PDGFRL: variants seen among roughly 807,000 people sequenced by gnomAD.
PDGFRL encodes the protein platelet-derived growth factor receptor-like protein.
Under a neutral mutation model 37.2 loss-of-function variants are expected in PDGFRL, and 46 were observed. The observed-to-expected ratio is 1.24, with a 90% CI of 0.98 to 1.58. The LOEUF (loss-of-function observed/expected upper bound fraction) is 1.58. Among genes scored for constraint, PDGFRL ranks in the 40% most tolerant of loss-of-function variants. PDGFRL has a pLI of 0.00. For synonymous variants in PDGFRL, 251 were observed against 184.3 expected (o/e 1.36, Z -2.93); for missense variants, 692 against 467.6 (o/e 1.48, Z -4.43).
intron 1 of PDGFRL, among the ~76,000 whole-genome samples, chr8:17,586,588 T>A (rs898802308): frequency 2.0e-5 from 3 of 152,162 alleles, no homozygotes; most frequent in Non-Finnish European, 4.4e-5. Flanking sequence ...TTAAAGAGAC[T>A]AATATCTGCT....
intron 2 of PDGFRL, among the ~76,000 whole-genome samples, chr8:17,608,653 A>G (rs534840695): frequency 2.3e-4 from 35 of 152,226 alleles, no homozygotes; most frequent in Non-Finnish European, 3.5e-4. Context: ...AAGGCAGTCT[A>G]CTAAGTCAGA....
chr8:17,602,949 A>G (rs112331096), intron 2 of PDGFRL, among the ~76,000 whole-genome samples: 138 of 152,376 alleles, frequency 9.1e-4, no homozygotes, highest in African/African-American at 3.2e-3. Context: ...TTTAAACAGT[A>G]TAGAATTCAT....
intron 1 of PDGFRL, among the ~76,000 whole-genome samples, chr8:17,585,913 GTTTA>G (rs1218215475): frequency 1.3e-5 from 2 of 152,044 alleles, no homozygotes; most frequent in Non-Finnish European, 2.9e-5. Context: ...TGTAACATTT[GTTTA>G]TTTATTTTGG....
intron 2 of PDGFRL, among the ~76,000 whole-genome samples, chr8:17,615,062 A>C (rs1804495625): frequency 6.6e-6 from 1 of 152,200 alleles, no homozygotes; most frequent in Admixed American, 6.5e-5. Flanking sequence ...AACACTGCTT[A>C]AGTTTCAGTT....
rs1427943847 is a variant in PDGFRL, at chr8:17,628,629, C to G, written c.648C>G (p.Ile216Met). 6.2e-7 allele frequency: 1 copy of G among 1,614,070 alleles called. No homozygotes were observed. The highest frequency in any genetic ancestry group is 8.5e-7 in the Non-Finnish European group (1 of 1,180,048). ...TLHREFPAKE[I>M]PANGTDIVYD... ...ACAGGGAATTCCCAGCCAAGGAGAT[C>G]CCAGCCAATGGAACGGACATTGTTT... is the stretch of plus-strand genomic sequence containing the variant. Residue 216 changes from isoleucine (I) to methionine (M), a missense_variant, in exon 4 of 6, where the codon ATC (isoleucine) becomes ATG (methionine). By Grantham distance (10) the Ile-to-Met change is conservative. Transcript: ENST00000251630.
At chr8:17,584,894 T>A (rs1803783334) in intron 1 of PDGFRL, among the ~76,000 whole-genome samples, 1 of 152,162 alleles carries the variant, frequency 6.6e-6, no homozygotes, top group Non-Finnish European at 1.5e-5. Context: ...GAATGGCTTC[T>A]TCATAGGCAG....
intron 3 of PDGFRL, among the ~76,000 whole-genome samples, chr8:17,622,444 G>A (rs1288193363): frequency 6.6e-6 from 1 of 151,562 alleles, no homozygotes; most frequent in Non-Finnish European, 1.5e-5. Flanking sequence ...ATAGGCCTAT[G>A]ACCCAAAGGA....
chr8:17,638,738 C>CATATATATATATATAT (rs56085770), intron 5 of PDGFRL, among the ~76,000 whole-genome samples: 2 of 47,364 alleles, frequency 4.2e-5, no homozygotes, highest in African/African-American at 5.6e-5. Context: ...GCATTAGGTG[C>CATATATATATATATAT]ATATATATAT....
intron 2 of PDGFRL, among the ~76,000 whole-genome samples, chr8:17,601,607 T>A (rs1455378174): frequency 1.3e-5 from 2 of 152,188 alleles, no homozygotes; most frequent in African/African-American, 4.8e-5. Flanking sequence ...TTCTCAGTCC[T>A]CACCCTCTTC....
chr8:17,594,141 GTAT>G (rs1347683926), intron 2 of PDGFRL, among the ~76,000 whole-genome samples: 13 of 151,380 alleles, frequency 8.6e-5, no homozygotes, highest in Non-Finnish European at 1.6e-4. Flanking sequence ...TGTTACTGAC[GTAT>G]TTCCCACAGC....
intron 2 of PDGFRL, among the ~76,000 whole-genome samples, chr8:17,603,245 G>T (rs1035958890): frequency 2.6e-4 from 40 of 152,100 alleles, no homozygotes; most frequent in African/African-American, 8.7e-4. Context: ...CCTGGGCCTC[G>T]CTAAGTGCTG....
chr8:17,597,105 C>T (rs771283880), intron 2 of PDGFRL, among the ~76,000 whole-genome samples: 2 of 152,188 alleles, frequency 1.3e-5, no homozygotes, highest in African/African-American at 4.8e-5. Flanking sequence ...ACTGCAACCT[C>T]TACCTCTCAT....
chr8:17,580,322 TG>T (rs1803679954), intron 1 of PDGFRL, among the ~76,000 whole-genome samples: 1 of 151,836 alleles, frequency 6.6e-6, no homozygotes, highest in African/African-American at 2.4e-5. Flanking sequence ...CGTTTATTTT[TG>T]AGAAAAAAAA....
intron 4 of PDGFRL, among the ~76,000 whole-genome samples, chr8:17,632,001 G>A (rs1563529286): frequency 6.6e-6 from 1 of 152,182 alleles, no homozygotes; most frequent in East Asian, 1.9e-4. Flanking sequence ...CACCTCAGGT[G>A]TGCAATGAGA....
intron 5 of PDGFRL, among the ~76,000 whole-genome samples, chr8:17,634,623 G>GA (rs1396885567): frequency 2.6e-5 from 4 of 152,030 alleles, no homozygotes; most frequent in Non-Finnish European, 5.9e-5. Flanking sequence ...ATACACCAAA[G>GA]AATACTATGC....
intron 2 of PDGFRL, among the ~76,000 whole-genome samples, chr8:17,609,454 G>A (rs750601778): frequency 7.9e-5 from 12 of 151,298 alleles, no homozygotes; most frequent in African/African-American, 2.7e-4. Flanking sequence ...CGACCTGGGC[G>A]ACAGAGCGAG....
At chr8:17,633,297 C>G (rs1359348128) in intron 4 of PDGFRL, among the ~76,000 whole-genome samples, 6 of 152,120 alleles carry the variant, frequency 3.9e-5, no homozygotes, top group African/African-American at 1.2e-4. Flanking sequence ...ATACCTTAAT[C>G]CTAGCTACTC....
rs564825526 is a variant in PDGFRL at position 17,586,015 on chromosome 8, G to C, written c.56-3453G>C. ...TGCCCAGGCTGGAGTGCAGTGGTGC[G>C]ATCTCAGCTCACTGCAACCTCCGTG... On this transcript the variant is annotated intron_variant, in intron 1 of 5. Transcript: ENST00000251630. Among the ~76,000 whole-genome samples, 26 of 152,182 alleles carry C rather than the reference G, an allele frequency of 1.7e-4. No homozygotes were observed. The East Asian group carries it at 2.3e-3, about 14-fold the overall frequency.
chr8:17,600,903 GC>G (rs1315449136), intron 2 of PDGFRL, among the ~76,000 whole-genome samples: 19 of 152,024 alleles, frequency 1.2e-4, no homozygotes, highest in African/African-American at 4.1e-4. Context: ...GATAGTTTGG[GC>G]CCAGGAGCTC....
Sources: gnomAD v4.1 joint callset for allele counts (sites outside exome capture counted in the v4.1 genomes callset) on GRCh38, gnomAD v4.1.1 for gene constraint, MANE v1.5 for transcripts, NCBI Gene and HGNC (gene_info 2026-07-23, HGNC 2026-07-21) for gene names.